VPS13B: variants seen among roughly 807,000 people sequenced by gnomAD.
VPS13B encodes intermembrane lipid transfer protein VPS13B.
A neutral mutation model predicts 426.4 loss-of-function variants in VPS13B; 285 were observed. The ratio of observed to expected loss-of-function variants is 0.67; its 90% CI spans 0.61 to 0.74. The LOEUF is 0.74. Among genes scored for constraint, VPS13B ranks in the 30% least tolerant of loss-of-function variants. VPS13B has a pLI of 0.00. For missense variants in VPS13B, 4,537 were observed against 4,782.6 expected, an observed-to-expected ratio of 0.95 and a Z score of 1.51; for synonymous variants, 1,676 against 1,676.4, an observed-to-expected ratio of 1.00 and a Z score of 0.01.
intron 17 of VPS13B, among the ~76,000 whole-genome samples, chr8:99,251,610 T>G (rs888116659): frequency 6.6e-6 from 1 of 152,166 alleles, no homozygotes; most frequent in Non-Finnish European, 1.5e-5. Context: ...GTATTTATAT[T>G]GATGAGGAAT....
intron 5 of VPS13B, among the ~76,000 whole-genome samples, chr8:99,106,765 A>G (rs1422942187): frequency 2.0e-5 from 3 of 152,206 alleles, no homozygotes; most frequent in Non-Finnish European, 2.9e-5. Flanking sequence ...GTCTGTAACA[A>G]TAGTTCAGTT....
rs780959088 is a variant in VPS13B, at chr8:99,766,868, A to T, written c.7145A>T (p.Gln2382Leu). 2 of 1,614,078 alleles carry T rather than the reference A, an allele frequency of 1.2e-6. No homozygotes were observed. The highest frequency in any genetic ancestry group is 4.5e-5 in the East Asian group (2 of 44,826). Residue 2382 changes from glutamine (Q) to leucine (L), a missense_variant, in exon 40 of 62, where the codon CAG (glutamine) becomes CTG (leucine). Transcript: ENST00000357162. ...TCTGAAAGCAAAGTTTGTGAACTGC[A>T]GTTGCCGGATATCAATCTCGTGAAT... is the stretch of plus-strand genomic sequence containing the variant. ...NLSESKVCEL[Q>L]LPDINLVNDQ...
At chr8:99,385,773 A>G (rs1814084430) in intron 20 of VPS13B, among the ~76,000 whole-genome samples, 1 of 152,190 alleles carries the variant, frequency 6.6e-6, no homozygotes, top group Non-Finnish European at 1.5e-5. Flanking sequence ...ATTAACAACT[A>G]AGCTGAGTAT....
chr8:99,176,094 T>C (rs1486841016), intron 16 of VPS13B, among the ~76,000 whole-genome samples: 1 of 152,126 alleles, frequency 6.6e-6, no homozygotes, highest in Non-Finnish European at 1.5e-5. Context: ...AGTTCTCACA[T>C]ATTTGTCATT....
rs144147962 is a variant in VPS13B at position 99,532,309 on chromosome 8, G to A, written c.4745+11299G>A. Among the ~76,000 whole-genome samples the A allele has an allele frequency of 2.0e-4, 31 of 152,178 alleles. No homozygotes were observed. The East Asian group carries it at 6.0e-3, about 29-fold the overall frequency. ...GTACCAATAGATTTGATTCTGATAT[G>A]GGTTTTACCTTTTCTCCATAGATAA... On this transcript the variant is annotated intron_variant, in intron 30 of 61. Transcript: ENST00000357162.
chr8:99,735,488 G>C (rs1026204799), intron 39 of VPS13B, among the ~76,000 whole-genome samples: 3 of 152,088 alleles, frequency 2.0e-5, no homozygotes, highest in African/African-American at 4.8e-5. Flanking sequence ...CTGGAATGTC[G>C]CAACTACAAG....
intron 8 of VPS13B, among the ~76,000 whole-genome samples, chr8:99,127,625 A>AAC (rs1188911711): frequency 6.6e-6 from 1 of 152,130 alleles, no homozygotes; most frequent in African/African-American, 2.4e-5. Context: ...GTAGTTTTCA[A>AAC]ACTTTTTGAT....
chr8:99,696,925 A>G, intron 35 of VPS13B: 1 of 718,744 alleles, frequency 1.4e-6, no homozygotes, highest in East Asian at 2.7e-5. Context: ...CATAAAGGCC[A>G]ATGATAAGCT....
chr8:99,428,513 G>A (rs1816870855), intron 21 of VPS13B, among the ~76,000 whole-genome samples: 1 of 152,140 alleles, frequency 6.6e-6, no homozygotes, highest in African/African-American at 2.4e-5. Flanking sequence ...CATTTTTGCA[G>A]CCAAAAGACA....
rs1165828712 is a variant in VPS13B, at chr8:99,823,885, G to A, written c.9237G>A (p.Gln3079=). ...TACAGCAAGGTATACAAATTATTCA[G>A]ATTGAAGACAAGACTACAATAATCA... The part of the protein sequence containing the change: ...SMVQQGIQII[Q]IEDKTTIINN... The change falls in exon 51 of 62, where the codon CAG becomes CAA. Residue 3079 remains glutamine (Q), a synonymous_variant. Coordinates refer to ENST00000357162, the MANE Select transcript of VPS13B (RefSeq NM_152564.5). 6.2e-7 allele frequency: 1 copy of A among 1,613,376 alleles called. No homozygotes were observed. The highest frequency in any genetic ancestry group is 1.3e-5 in the African/African-American group (1 of 74,874).
At chr8:99,768,866 T>C (rs1243580941) in intron 40 of VPS13B, among the ~76,000 whole-genome samples, 1 of 152,168 alleles carries the variant, frequency 6.6e-6, no homozygotes, top group East Asian at 1.9e-4. Flanking sequence ...AACCAGGAAA[T>C]CTCAGAAAAT....
intron 21 of VPS13B, among the ~76,000 whole-genome samples, chr8:99,407,100 A>G (rs1815374781): frequency 6.6e-6 from 1 of 152,198 alleles, no homozygotes; most frequent in African/African-American, 2.4e-5. Context: ...GTAGTATCCT[A>G]TAGCTGAGAA....
chr8:99,746,886 C>A (rs1810115788), intron 39 of VPS13B, among the ~76,000 whole-genome samples: 1 of 152,002 alleles, frequency 6.6e-6, no homozygotes, highest in African/African-American at 2.4e-5. Flanking sequence ...TGGAGCCTAG[C>A]AAATAATTTA....
chr8:99,826,503 C>G (rs574562868), intron 51 of VPS13B, among the ~76,000 whole-genome samples: 1 of 152,114 alleles, frequency 6.6e-6, no homozygotes, highest in Non-Finnish European at 1.5e-5. Context: ...TATATAATCA[C>G]GCCATCTGCA....
chr8:99,697,768 C>T (rs2130162364), intron 35 of VPS13B: 1 of 627,964 alleles, frequency 1.6e-6, no homozygotes, highest in Non-Finnish European at 3.0e-6. Context: ...TCATCAGTGT[C>T]ACTGAGCTCA....
At chr8:99,111,575 G>C (rs1847370630) in intron 6 of VPS13B, among the ~76,000 whole-genome samples, 1 of 151,602 alleles carries the variant, frequency 6.6e-6, no homozygotes, top group Non-Finnish European at 1.5e-5. Context: ...AATATTAAAA[G>C]GTATATTTAT....
Position 99,848,896 on chromosome 8 carries a change from T to C in VPS13B, c.10061+2T>C. The C allele has an allele frequency of 6.2e-7, 1 of 1,612,664 alleles. No homozygotes were observed. Among genetic ancestry groups the C allele is most frequent in the South Asian group, 1.1e-5 (1 of 91,046 alleles). On this transcript the variant is annotated splice_donor_variant, in intron 55 of 61. Coordinates refer to ENST00000357162, the MANE Select transcript of VPS13B (RefSeq NM_152564.5). LOFTEE classifies it high-confidence loss of function. Reference sequence around the variant, plus strand: ...ACCTATTTTAACCAATACCAACAGGTAGGTTTAATTATTTTCCCAGTGACA... The same window carrying C: ...ACCTATTTTAACCAATACCAACAGGCAGGTTTAATTATTTTCCCAGTGACA...
chr8:99,187,843 C>T (rs958824473), intron 16 of VPS13B, among the ~76,000 whole-genome samples: 1 of 150,676 alleles, frequency 6.6e-6, no homozygotes, highest in Non-Finnish European at 1.5e-5. Context: ...TGGTATGCAC[C>T]CATTGTCCCA....
At chr8:99,504,858 A>C (rs1448834241) in intron 27 of VPS13B, among the ~76,000 whole-genome samples, 1 of 152,194 alleles carries the variant, frequency 6.6e-6, no homozygotes, top group African/African-American at 2.4e-5. Context: ...TCTAGCTATC[A>C]GTCTGAGATG....
Sources: gnomAD v4.1 joint callset for allele counts (sites outside exome capture counted in the v4.1 genomes callset) on GRCh38, gnomAD v4.1.1 for gene constraint, MANE v1.5 for transcripts, NCBI Gene and HGNC (gene_info 2026-07-23, HGNC 2026-07-21) for gene names.